The following CLMN variants were observed in gnomAD, a reference collection of about 807,000 sequenced individuals.
CLMN encodes calmin.
Under a neutral mutation model 92.7 loss-of-function variants are expected in CLMN, and 57 were observed. That is an observed-to-expected ratio of 0.61 (90% CI 0.50 to 0.77). The LOEUF (loss-of-function observed/expected upper bound fraction) is 0.77. Ranked by LOEUF, CLMN falls within the 30% of genes least tolerant of loss-of-function variation. CLMN has a pLI of 0.00. For synonymous variants in CLMN, 466 were observed against 470.6 expected, an observed-to-expected ratio of 0.99 and a Z score of 0.13; for missense variants, 1,158 against 1,237.5, an observed-to-expected ratio of 0.94 and a Z score of 0.96.
chr14:95,254,504 C>T (rs115941216), intron 1 of CLMN, among the ~76,000 whole-genome samples: 70 of 152,202 alleles, frequency 4.6e-4, no homozygotes, highest in Middle Eastern at 3.4e-3. Context: ...CCCAACATAC[C>T]GAAGCCTCGT....
intron 1 of CLMN, among the ~76,000 whole-genome samples, chr14:95,304,567 C>T (rs946468927): frequency 5.3e-5 from 8 of 151,972 alleles, no homozygotes; most frequent in African/African-American, 1.9e-4. Flanking sequence ...ACTGTCCCTC[C>T]CCCATCAGGC....
rs771386253 is a variant in CLMN at position 95,203,524 on chromosome 14, T to C, written c.1825A>G (p.Ser609Gly). The change falls in exon 9 of 13, where the codon AGT becomes GGT. Residue 609 changes from serine (S) to glycine (G), a missense_variant. Transcript: ENST00000298912. ...ENHAEKLGKR[S>G]IKSAHKKKDS... ...TTCTTTTTGTGAGCAGATTTAATACTCCTTTTACCTAGTTTTTCAGCATGA... is the reference window on the plus strand; with the variant it reads ...TTCTTTTTGTGAGCAGATTTAATACCCCTTTTACCTAGTTTTTCAGCATGA... 1 of 1,614,154 alleles carries C rather than the reference T, an allele frequency of 6.2e-7. No individual in the cohort carries two copies. The highest frequency in any genetic ancestry group is 8.5e-7 in the Non-Finnish European group (1 of 1,180,022).
chr14:95,307,715 GGCCA>G (rs937303496), intron 1 of CLMN: 1 of 152,186 alleles, frequency 6.6e-6, no homozygotes. Context: ...TCACAGGCCA[GGCCA>G]GCTCTCTCTT....
At chr14:95,193,494 C>T in intron 12 of CLMN, 2 of 901,986 alleles carry the variant, frequency 2.2e-6, no homozygotes, top group South Asian at 3.2e-5. Flanking sequence ...AAGACCACCA[C>T]CTCTTCTCCT....
Position 95,191,410 on chromosome 14 carries a change from A to T in CLMN, c.*154T>A. The stretch of plus-strand genomic sequence containing the variant: ...TCCAGAAAAAAAAGGAAACCTGAAA[A>T]AAAAAAAAAAACCACAATAGCGAGA... On this transcript the variant is annotated 3_prime_UTR_variant, in exon 13 of 13. Transcript: ENST00000298912. This position sits in a 1 kb window ranked among gnomAD's most constrained non-coding sequence, Gnocchi z 5.3. 2.0e-6 allele frequency: 1 copy of T among 500,404 alleles called. No homozygotes were observed. The highest frequency in any genetic ancestry group is 3.2e-6 in the Non-Finnish European group (1 of 307,960). 31.0% of individuals were successfully genotyped at this position (500,404 alleles called of 1,614,324 possible). A position where few individuals can be genotyped will look rare whatever the true frequency, so the allele number is the denominator to read the frequency against.
chr14:95,218,748 G>C (rs1897432974), intron 4 of CLMN, among the ~76,000 whole-genome samples: 1 of 152,272 alleles, frequency 6.6e-6, no homozygotes, highest in Non-Finnish European at 1.5e-5. Context: ...ATGGGGCCCA[G>C]TGGGGCACCA....
At chr14:95,218,204 G>C (rs1444543361) in intron 4 of CLMN, among the ~76,000 whole-genome samples, 1 of 152,218 alleles carries the variant, frequency 6.6e-6, no homozygotes, top group African/African-American at 2.4e-5. Context: ...CACATGTAGG[G>C]TGATAACTCA....
chr14:95,243,038 T>C (rs962243705), intron 1 of CLMN, among the ~76,000 whole-genome samples: 1 of 152,340 alleles, frequency 6.6e-6, no homozygotes, highest in African/African-American at 2.4e-5. Context: ...GTCATCATCA[T>C]GGTGTGAAAG....
At chr14:95,227,010 G>A (rs1897732260) in intron 2 of CLMN, among the ~76,000 whole-genome samples, 1 of 152,200 alleles carries the variant, frequency 6.6e-6, no homozygotes, top group Non-Finnish European at 1.5e-5. Flanking sequence ...GGAAGGCTGG[G>A]CATTCACATG....
chr14:95,249,967 A>G (rs73333270), intron 1 of CLMN, among the ~76,000 whole-genome samples: 24,234 of 152,116 alleles, frequency 0.16, 3,423 homozygotes, highest in African/African-American at 0.37. Flanking sequence ...CTCAGGGAGT[A>G]GGGGTTCCAG....
intron 1 of CLMN, among the ~76,000 whole-genome samples, chr14:95,279,644 G>A (rs1036751658): frequency 6.6e-6 from 1 of 152,224 alleles, no homozygotes; most frequent in Non-Finnish European, 1.5e-5. Context: ...TTAGCCAGAC[G>A]TGGTGGCGGG....
Position 95,210,839 on chromosome 14 carries a change from T to C in CLMN, c.649A>G (p.Ser217Gly). The C allele has an allele frequency of 6.4e-7, 1 of 1,565,214 alleles. No homozygotes were observed. The highest frequency in any genetic ancestry group is 8.6e-7 in the Non-Finnish European group (1 of 1,162,168). Reference sequence around the variant, plus strand: ...ATCACCGCCAGGAAAGCCAGCCCACTCCTCCAACTGCCCGCAAAGTCCTGC... The same window carrying C: ...ATCACCGCCAGGAAAGCCAGCCCACCCCTCCAACTGCCCGCAAAGTCCTGC... Reference protein sequence around the residue: ...AVQDFAGSWRSGLAFLAVIKA... With the variant: ...AVQDFAGSWRGGLAFLAVIKA... Residue 217 changes from serine to glycine, a missense_variant, in exon 7 of 13, where the codon AGT becomes GGT. Transcript: ENST00000298912.
chr14:95,214,385 T>G (rs750770984), intron 5 of CLMN, among the ~76,000 whole-genome samples: 15 of 148,058 alleles, frequency 1.0e-4, no homozygotes, highest in Non-Finnish European at 2.1e-4. Flanking sequence ...GATCTCATTC[T>G]GTTGCCCAGG....
In CLMN at chr14:95,285,763, G is replaced by A. The variant is rs539470144; in HGVS notation, c.82+33948C>T. 7.9e-5 allele frequency among the ~76,000 whole-genome samples: 12 copies of A among 152,264 alleles called. 1 individual carries two copies. The South Asian group carries it at 2.1e-3, about 26-fold the overall frequency. ...AGGATGAGGTGGACTTTTGAGCTGG[G>A]TATGTAACAGGCGAGATCACTGGGA... On this transcript the variant is annotated intron_variant, in intron 1 of 12. Coordinates refer to ENST00000298912, the MANE Select transcript of CLMN (RefSeq NM_024734.4).
At chr14:95,218,387 G>A (rs1377651189) in intron 4 of CLMN, among the ~76,000 whole-genome samples, 2 of 152,168 alleles carry the variant, frequency 1.3e-5, no homozygotes, top group African/African-American at 4.8e-5. Context: ...TCTCTGACAC[G>A]GGCATAAACA....
Position 95,186,472 on chromosome 14 carries a change from A to G in CLMN, c.*5092T>C, listed in dbSNP as rs1473646194. ...GGAAGCCCCGACCACCTGATCATCA[A>G]CTATGGCAAGATACAAACTTCGACG... On this transcript the variant is annotated 3_prime_UTR_variant, in exon 13 of 13. Coordinates refer to ENST00000298912, the MANE Select transcript of CLMN (RefSeq NM_024734.4). 6.6e-6 allele frequency: 1 copy of G among 152,238 alleles called. No homozygotes were observed. Among genetic ancestry groups the G allele is most frequent in the Non-Finnish European group, 1.5e-5 (1 of 68,050 alleles). 9.4% of individuals were successfully genotyped at this position (152,238 alleles called of 1,614,324 possible).
At chr14:95,244,957 C>A (rs1366209799) in intron 1 of CLMN, among the ~76,000 whole-genome samples, 1 of 144,058 alleles carries the variant, frequency 6.9e-6, no homozygotes, top group Non-Finnish European at 1.5e-5. Context: ...ACTTGAAGTC[C>A]ACCTTTAGCA....
In CLMN at chr14:95,223,745, C is replaced by T. The variant is rs1897620483; in HGVS notation, c.240+15G>A. On this transcript the variant is annotated intron_variant, in intron 3 of 12. Transcript: ENST00000298912. ...TGCATTTTCTTTCTTTCTGACCCTT[C>T]TGTAACATACGTACCAGATTCCGCC... 6.3e-7 allele frequency: 1 copy of T among 1,596,882 alleles called. No individual in the cohort carries two copies. Among genetic ancestry groups the T allele is most frequent in the African/African-American group, 1.3e-5 (1 of 74,188 alleles).
Position 95,223,775 on chromosome 14 carries a change from C to T in CLMN, c.225G>A (p.Leu75=), listed in dbSNP as rs1317469508. Residue 75 remains leucine, a synonymous_variant, in exon 3 of 13, where the codon CTG becomes CTA. Coordinates refer to ENST00000298912, the MANE Select transcript of CLMN (RefSeq NM_024734.4). Reference sequence around the variant, plus strand: ...ACATACGTACCAGATTCCGCCCAGACAGGACTTCTAACAAAGCCATTAGGA... The same window carrying T: ...ACATACGTACCAGATTCCGCCCAGATAGGACTTCTAACAAAGCCATTAGGA... ...GKILMALLEV[L]SGRNLLHEYK... The T allele has an allele frequency of 2.5e-6, 4 of 1,613,344 alleles. No homozygotes were observed. The African/African-American group carries it at 4.0e-5, about 16-fold the overall frequency.
Sources: allele counts gnomAD v4.1 joint callset (sites outside exome capture counted in the v4.1 genomes callset), GRCh38; gene constraint gnomAD v4.1.1; non-coding constraint Gnocchi (gnomAD v3.1); transcripts MANE v1.5; gene names NCBI Gene and HGNC (gene_info 2026-07-23, HGNC 2026-07-21).